NPEPPS: variants seen among roughly 807,000 people sequenced by gnomAD.
The protein encoded by NPEPPS is aminopeptidase puromycin sensitive, also known as puromycin-sensitive aminopeptidase.
Under a neutral mutation model 115.5 loss-of-function variants are expected in NPEPPS, and 14 were observed. The observed-to-expected ratio is 0.12, with a 90% CI of 0.08 to 0.19. NPEPPS has a LOEUF of 0.19. Ranked by LOEUF, NPEPPS falls within the 10% of genes least tolerant of loss-of-function variation. The pLI, the probability that NPEPPS is intolerant of heterozygous loss-of-function variation, is 1.00. For missense variants in NPEPPS, 523 were observed against 1,110.8 expected, an observed-to-expected ratio of 0.47 and a Z score of 7.52; for synonymous variants, 285 against 390.6, an observed-to-expected ratio of 0.73 and a Z score of 3.19.
At chr17:47,530,681 T>G (rs1378345841), upstream of NPEPPS, among the ~76,000 whole-genome samples, 3 of 152,290 alleles carry the variant, frequency 2.0e-5, no homozygotes, top group Admixed American at 1.3e-4. Flanking sequence ...AACAAAACTT[T>G]CAAATCATCC....
At chr17:47,594,875 G>A (rs1204848432) in intron 12 of NPEPPS, among the ~76,000 whole-genome samples, 1 of 151,034 alleles carries the variant, frequency 6.6e-6, no homozygotes, top group Non-Finnish European at 1.5e-5. Context: ...CTCATGATCC[G>A]CCCGCCTCTG....
At chr17:47,533,689 C>A (rs1319189547) in intron 1 of NPEPPS, among the ~76,000 whole-genome samples, 3 of 152,002 alleles carry the variant, frequency 2.0e-5, no homozygotes, top group African/African-American at 7.3e-5. Flanking sequence ...TTTCTCCTTA[C>A]CTCTTTTCTA....
chr17:47,537,048 A>G (rs36007260), intron 1 of NPEPPS, among the ~76,000 whole-genome samples: 1 of 152,118 alleles, frequency 6.6e-6, no homozygotes, highest in Admixed American at 6.6e-5. Context: ...CATTTTGGCC[A>G]ACACTGTGGC....
chr17:47,609,871 A>T (rs1368238013), intron 17 of NPEPPS, among the ~76,000 whole-genome samples: 2 of 152,202 alleles, frequency 1.3e-5, no homozygotes, highest in African/African-American at 2.4e-5. Context: ...TGTTTCTGAG[A>T]TAATCTGGGT....
At chr17:47,556,775 C>T (rs951205524) in intron 2 of NPEPPS, among the ~76,000 whole-genome samples, 2 of 152,200 alleles carry the variant, frequency 1.3e-5, no homozygotes, top group Non-Finnish European at 2.9e-5. Flanking sequence ...TCCCAAGTAG[C>T]TGGGACTACA....
chr17:47,576,203 C>T (rs2644364), intron 3 of NPEPPS, among the ~76,000 whole-genome samples: 69,000 of 151,786 alleles, frequency 0.45, 16,596 homozygotes, highest in South Asian at 0.56. Flanking sequence ...TCTAACAACC[C>T]TAGAATTAGT....
upstream of NPEPPS, among the ~76,000 whole-genome samples, chr17:47,527,453 C>T (rs975557298): frequency 2.6e-5 from 4 of 151,934 alleles, no homozygotes; most frequent in Non-Finnish European, 4.4e-5. Context: ...CATTGCACTC[C>T]AGCCTGGGCA....
rs748156744 is a variant in NPEPPS at position 47,582,578 on chromosome 17, G to A, written c.541-164G>A. The A allele has an allele frequency of 7.4e-6, 5 of 674,192 alleles. No individual in the cohort carries two copies. The Admixed American group carries it at 1.0e-4, about 14-fold the overall frequency. The allele number at this position is 674,192 out of a possible 1,614,324, so 41.8% of individuals were successfully genotyped here. On this transcript the variant is annotated intron_variant, in intron 4 of 22. Transcript: ENST00000322157. ...TGGAATGGCAGTGGTAGCAAGTGTTGTCTTTTCTTTCTAGTTAATGCCTGG... is the reference window on the plus strand; with the variant it reads ...TGGAATGGCAGTGGTAGCAAGTGTTATCTTTTCTTTCTAGTTAATGCCTGG...
intron 12 of NPEPPS, among the ~76,000 whole-genome samples, chr17:47,593,290 G>A (rs1179594199): frequency 6.6e-6 from 1 of 152,176 alleles, no homozygotes; most frequent in African/African-American, 2.4e-5. Context: ...GGCCGGGTGT[G>A]GTGGCTCACG....
chr17:47,523,058 C>T, exon 1 of NPEPPS: 2 of 939,662 alleles, frequency 2.1e-6, no homozygotes, highest in Non-Finnish European at 3.3e-6. Flanking sequence ...TCATCATATT[C>T]CGCAGGTAAG....
chr17:47,553,853 C>T (rs1196292525), intron 2 of NPEPPS, among the ~76,000 whole-genome samples: 2 of 151,068 alleles, frequency 1.3e-5, no homozygotes, highest in South Asian at 2.1e-4. Flanking sequence ...CAGGTTCAAG[C>T]GATTCTCCTG....
At chr17:47,569,146 G>A (rs1253566467) in intron 2 of NPEPPS, among the ~76,000 whole-genome samples, 1 of 151,910 alleles carries the variant, frequency 6.6e-6, no homozygotes, top group Non-Finnish European at 1.5e-5. Flanking sequence ...TGATAGAAAA[G>A]CATCACATTT....
At chr17:47,548,509 C>T (rs1909396693) in intron 2 of NPEPPS, among the ~76,000 whole-genome samples, 1 of 151,358 alleles carries the variant, frequency 6.6e-6, no homozygotes, top group African/African-American at 2.4e-5. Context: ...TACCTTCCAG[C>T]TGGCATGGTT....
chr17:47,545,425 G>T (rs1315495525), intron 1 of NPEPPS, among the ~76,000 whole-genome samples: 2 of 151,938 alleles, frequency 1.3e-5, no homozygotes, highest in Non-Finnish European at 2.9e-5. Context: ...AATATGAGTT[G>T]CTTTGGATTA....
At chr17:47,612,744 G>T (rs1913954188) in intron 18 of NPEPPS, 142 bp downstream of exon 18, 1 of 706,534 alleles carries the variant, frequency 1.4e-6, no homozygotes, top group Non-Finnish European at 2.2e-6. Context: ...GCTCACTGCA[G>T]CCTCTGTCCC....
At chr17:47,595,928 T>A (rs1271472423) in intron 12 of NPEPPS, 1 of 145,312 alleles carries the variant, frequency 6.9e-6, no homozygotes, top group Non-Finnish European at 1.5e-5. Context: ...GTTGCAGTGA[T>A]CTTAGATCAT....
upstream of NPEPPS, among the ~76,000 whole-genome samples, chr17:47,527,013 G>A (rs548120413): frequency 2.5e-3 from 377 of 152,216 alleles, 3 homozygotes; most frequent in African/African-American, 8.7e-3. Context: ...GGAATCTGCT[G>A]CAAGATTCTC....
chr17:47,591,533 T>C (rs1912502081), intron 10 of NPEPPS, among the ~76,000 whole-genome samples: 1 of 152,166 alleles, frequency 6.6e-6, no homozygotes, highest in African/African-American at 2.4e-5. Flanking sequence ...CTTCAGTTTA[T>C]ATATATAAAT....
chr17:47,597,218 G>A (rs1295939502), intron 13 of NPEPPS, among the ~76,000 whole-genome samples: 1 of 152,174 alleles, frequency 6.6e-6, no homozygotes, highest in East Asian at 1.9e-4. Flanking sequence ...GGATGGCAGT[G>A]TGATTTTAAT....
Sources: gnomAD v4.1 joint callset for allele counts (sites outside exome capture counted in the v4.1 genomes callset) on GRCh38, gnomAD v4.1.1 for gene constraint, MANE v1.5 for transcripts, NCBI Gene and HGNC (gene_info 2026-07-23, HGNC 2026-07-21) for gene names.